The following RASA3 variants were observed in gnomAD, a reference collection of about 807,000 sequenced individuals.
RASA3 encodes the protein RAS p21 protein activator 3.
In RASA3, 73 loss-of-function variants were observed where a neutral mutation model predicts 110.0. That is an observed-to-expected ratio of 0.66 (90% confidence interval 0.55 to 0.81). RASA3 has a LOEUF of 0.81. Among genes scored for constraint, RASA3 ranks in the 30% least tolerant of loss-of-function variants. The pLI is 0.00. For missense variants in RASA3, 976 were observed against 1,113.2 expected, an observed-to-expected ratio of 0.88 and a Z score of 1.75; for synonymous variants, 500 against 451.4, an observed-to-expected ratio of 1.11 and a Z score of -1.37.
At chr13:114,016,101 C>A (rs1043346777) in intron 13 of RASA3, 96 bp downstream of exon 13, 3 of 1,115,608 alleles carry the variant, frequency 2.7e-6, no homozygotes, top group African/African-American at 3.1e-5. Context: ...CCCACCCCAA[C>A]CGGGGTCACG....
intron 1 of RASA3, among the ~76,000 whole-genome samples, chr13:114,074,721 C>T (rs1475407368): frequency 6.6e-6 from 1 of 152,204 alleles, no homozygotes; most frequent in African/African-American, 2.4e-5. Flanking sequence ...GCCACCTGGA[C>T]GTGCTTGAAG....
At chr13:114,105,948 G>A (rs374015583) in intron 1 of RASA3, among the ~76,000 whole-genome samples, 8 of 152,208 alleles carry the variant, frequency 5.3e-5, no homozygotes, top group South Asian at 2.1e-4. Context: ...CACACAGAGC[G>A]TCTTGCACCC....
intron 1 of RASA3, among the ~76,000 whole-genome samples, chr13:114,090,025 G>C (rs866608858): frequency 3.9e-5 from 6 of 152,198 alleles, no homozygotes; most frequent in Admixed American, 1.3e-4. Flanking sequence ...CGGATGGAAC[G>C]CATTCTGTGT....
chr13:114,112,101 C>CCCG lies in RASA3; in HGVS notation c.55+20333_55+20334insCGG, dbSNP rs1555343908. Among the ~76,000 whole-genome samples, 3 of 151,780 alleles carry CCCG rather than the reference C, an allele frequency of 2.0e-5. No individual in the cohort carries two copies. The highest frequency in any genetic ancestry group is 3.4e-3 in the Middle Eastern group (1 of 292). Reference sequence around the variant, plus strand: ...CCTGGAAACAGCAGCCCCCAGGCACCCCCCCCAGCAACTGGGACAAGGGCA... The same window carrying CCCG: ...CCTGGAAACAGCAGCCCCCAGGCACCCCGCCCCCCAGCAACTGGGACAAGGGCA... On this transcript the variant is annotated intron_variant, in intron 1 of 23. Coordinates refer to ENST00000334062, the MANE Select transcript of RASA3 (RefSeq NM_007368.4). This position sits in a 1 kb window ranked among gnomAD's most constrained non-coding sequence, Gnocchi z 4.8.
intron 1 of RASA3, among the ~76,000 whole-genome samples, chr13:114,131,742 A>C (rs557334975): frequency 6.6e-6 from 1 of 151,412 alleles, no homozygotes; most frequent in Non-Finnish European, 1.5e-5. Flanking sequence ...AAACGCGCGC[A>C]CACACACGCG....
chr13:113,978,715 G>A lies in RASA3; in HGVS notation c.*632C>T, dbSNP rs894615518. The stretch of plus-strand genomic sequence containing the variant: ...AAGCACCAAGGACATCCTCAGACTG[G>A]GACTTCTGTGTAATTCTGCACCTCC... On this transcript the variant is annotated 3_prime_UTR_variant, in exon 24 of 24. Coordinates refer to ENST00000334062, the MANE Select transcript of RASA3 (RefSeq NM_007368.4). 1.3e-5 allele frequency: 2 copies of A among 152,826 alleles called. No individual in the cohort carries two copies. The highest frequency in any genetic ancestry group is 4.8e-5 in the African/African-American group (2 of 41,538). 9.5% of individuals were successfully genotyped at this position (152,826 alleles called of 1,614,324 possible). A position where few individuals can be genotyped will look rare whatever the true frequency, so the allele number is the denominator to read the frequency against.
intron 1 of RASA3, among the ~76,000 whole-genome samples, chr13:114,116,790 CGTGT>C (rs1243767555): frequency 1.7e-5 from 2 of 120,398 alleles, no homozygotes; most frequent in East Asian, 2.7e-4. Flanking sequence ...GAAGGGTGCA[CGTGT>C]GTGAGGGGTG....
chr13:114,032,940 G>A (rs1196902984), intron 4 of RASA3, among the ~76,000 whole-genome samples: 2 of 99,094 alleles, frequency 2.0e-5, no homozygotes, highest in Admixed American at 2.3e-4. Context: ...TTGACACCAC[G>A]TTCCACGGCA....
chr13:114,015,501 A>C (rs938351715), intron 13 of RASA3, among the ~76,000 whole-genome samples, 169 bp from the exon 14 acceptor site: 1 of 152,164 alleles, frequency 6.6e-6, no homozygotes, highest in Non-Finnish European at 1.5e-5. Flanking sequence ...CTGTGCTGGG[A>C]GCTGTGGCAA....
intron 2 of RASA3, among the ~76,000 whole-genome samples, chr13:114,061,230 G>A (rs1035754175): frequency 1.3e-5 from 2 of 152,016 alleles, no homozygotes; most frequent in Admixed American, 1.3e-4. Flanking sequence ...ACGCTGCCTC[G>A]ATGCGCGGGG....
chr13:114,105,681 A>G (rs1387759149), intron 1 of RASA3, among the ~76,000 whole-genome samples: 1 of 152,232 alleles, frequency 6.6e-6, no homozygotes, highest in East Asian at 1.9e-4. Flanking sequence ...TCTGCAGCAC[A>G]TCCACAGCAT....
chr13:114,107,260 C>T (rs1253420662), intron 1 of RASA3, among the ~76,000 whole-genome samples: 1 of 152,006 alleles, frequency 6.6e-6, no homozygotes, highest in Non-Finnish European at 1.5e-5. Context: ...CTGGTCTTCG[C>T]AGGGGATGTG....
intron 20 of RASA3, 49 bp downstream of exon 20, chr13:113,999,536 C>T: frequency 6.7e-7 from 1 of 1,503,448 alleles, no homozygotes; most frequent in Non-Finnish European, 9.3e-7. Context: ...GCAGAGAAAA[C>T]CTGGCCAGGC....
chr13:114,089,229 A>C (rs1273249633), intron 1 of RASA3, among the ~76,000 whole-genome samples: 3 of 144,992 alleles, frequency 2.1e-5, no homozygotes, highest in African/African-American at 7.6e-5. Context: ...AGAGACCAAG[A>C]TGGCAGGGAT....
At chr13:114,122,932 C>T (rs991803385) in intron 1 of RASA3, among the ~76,000 whole-genome samples, 1 of 152,208 alleles carries the variant, frequency 6.6e-6, no homozygotes, top group African/African-American at 2.4e-5. Flanking sequence ...GAAAAGGCCG[C>T]GGCAGCACCC....
intron 14 of RASA3, among the ~76,000 whole-genome samples, chr13:114,013,532 GTCTC>G (rs1317009074): frequency 1.6e-5 from 2 of 122,428 alleles, no homozygotes; most frequent in Non-Finnish European, 3.3e-5. Flanking sequence ...TCATCTCTCT[GTCTC>G]TCTCCCTCTC....
Position 114,018,119 on chromosome 13 carries a change from T to C in RASA3, c.1076A>G (p.Glu359Gly). Residue 359 changes from glutamate (E) to glycine (G), a missense_variant, in exon 11 of 24, where the codon GAG (glutamate) becomes GGG (glycine). Glu to Gly is a moderately conservative substitution (Grantham distance 98). Around this residue, in one of 4 missense-constraint regions of RASA3, gnomAD observed 732 missense variants for 779.7 expected, o/e 0.94. Transcript: ENST00000334062. ...GGGCACTCACTGGGTCCGCTTCACC[T>C]CCGCGCTGGCGATGGCACTGATGAA... ...VPFISAIASA[E>G]VKRTQDPNTI... is the part of the protein sequence containing the mutation. The C allele has an allele frequency of 6.5e-7, 1 of 1,547,190 alleles. No individual in the cohort carries two copies. The highest frequency in any genetic ancestry group is 8.7e-7 in the Non-Finnish European group (1 of 1,144,966).
intron 1 of RASA3, among the ~76,000 whole-genome samples, chr13:114,103,372 C>T (rs1594458622): frequency 6.6e-6 from 1 of 152,162 alleles, no homozygotes; most frequent in East Asian, 1.9e-4. Flanking sequence ...TTGCAAAGCA[C>T]AGAGAACACC....
chr13:114,089,766 T>C (rs747192966), intron 1 of RASA3, among the ~76,000 whole-genome samples: 19 of 152,192 alleles, frequency 1.2e-4, no homozygotes, highest in Admixed American at 5.9e-4. Context: ...GCAACCGTTA[T>C]CACGATTGAC....
Sources: allele counts gnomAD v4.1 joint callset (sites outside exome capture counted in the v4.1 genomes callset), GRCh38; gene constraint gnomAD v4.1.1; regional missense constraint gnomAD v4.1.1; non-coding constraint Gnocchi (gnomAD v3.1); transcripts MANE v1.5; gene names NCBI Gene and HGNC (gene_info 2026-07-23, HGNC 2026-07-21).